The following MTMR12 variants were observed in gnomAD, a reference collection of about 807,000 sequenced individuals.
MTMR12 encodes myotubularin related protein 12, also known as myotubularin-related protein 12.
A neutral mutation model predicts 96.7 loss-of-function variants in MTMR12; 33 were observed. The ratio of observed to expected loss-of-function variants is 0.34; its 90% CI spans 0.26 to 0.46. MTMR12 has a LOEUF of 0.46. Ranked by LOEUF, MTMR12 falls within the 20% of genes least tolerant of loss-of-function variation. The pLI, the probability that MTMR12 is intolerant of heterozygous loss-of-function variation, is 1.00. For synonymous variants in MTMR12, 298 were observed against 327.2 expected (o/e 0.91, Z 0.96); for missense variants, 721 against 896.1 (o/e 0.80, Z 2.49).
chr5:32,231,916 AC>A (rs1421702770), intron 15 of MTMR12, among the ~76,000 whole-genome samples: 1 of 152,220 alleles, frequency 6.6e-6, no homozygotes, highest in African/African-American at 2.4e-5. Flanking sequence ...GCCCCACTTT[AC>A]AAGCAAGGAA....
At chr5:32,310,877 CT>C (rs58830358) in intron 1 of MTMR12, among the ~76,000 whole-genome samples, 2,395 of 144,762 alleles carry the variant, frequency 0.017, 33 homozygotes, top group Non-Finnish European at 0.025. Flanking sequence ...AGATTTCTTT[CT>C]TTTTTTTTTT....
At chr5:32,271,602 G>A (rs1749834458) in intron 4 of MTMR12, among the ~76,000 whole-genome samples, 1 of 152,286 alleles carries the variant, frequency 6.6e-6, no homozygotes, top group South Asian at 2.1e-4. Flanking sequence ...TAATGGTGTC[G>A]TGTGAAGTAT....
intron 13 of MTMR12, among the ~76,000 whole-genome samples, chr5:32,235,438 C>A (rs73752846): frequency 1.2e-4 from 18 of 152,208 alleles, no homozygotes; most frequent in African/African-American, 4.3e-4. Flanking sequence ...AACTTAGAAC[C>A]CCAATTAAGC....
intron 2 of MTMR12, among the ~76,000 whole-genome samples, chr5:32,275,407 T>C (rs1750011216): frequency 6.6e-6 from 1 of 152,106 alleles, no homozygotes; most frequent in Admixed American, 6.6e-5. Flanking sequence ...CCCAATACTT[T>C]TAATGGTGAA....
In MTMR12 at chr5:32,270,845, C is replaced by A. The variant is rs779870459; in HGVS notation, c.461G>T (p.Arg154Met). ...TTTGACTTCCTCTTCCTTTGTGTAC[C>A]TCAGACAAAACTGGAACACTCGAAG... ...KDLRVFQFCL[R>M]YTKEEEVKRI... The change falls in exon 5 of 16, where the codon AGG becomes ATG. Residue 154 changes from arginine to methionine, a missense_variant. Physicochemically the swap from Arg to Met is moderately conservative, Grantham distance 91. Transcript: ENST00000382142. The A allele has an allele frequency of 1.2e-6, 2 of 1,613,092 alleles. No individual in the cohort carries two copies. Among genetic ancestry groups the A allele is most frequent in the Non-Finnish European group, 1.7e-6 (2 of 1,179,666 alleles).
chr5:32,266,014 GCT>G (rs1749577505), intron 6 of MTMR12, among the ~76,000 whole-genome samples: 1 of 152,114 alleles, frequency 6.6e-6, no homozygotes, highest in Non-Finnish European at 1.5e-5. Flanking sequence ...AATGCAGCAT[GCT>G]CTCTGAGATA....
At chr5:32,269,262 A>C (rs923645008) in intron 5 of MTMR12, among the ~76,000 whole-genome samples, 3 of 150,140 alleles carry the variant, frequency 2.0e-5, no homozygotes, top group Non-Finnish European at 4.4e-5. Context: ...CCTGACCTCA[A>C]CTGATCTACC....
intron 1 of MTMR12, among the ~76,000 whole-genome samples, chr5:32,278,632 G>A (rs1396728558): frequency 6.6e-6 from 1 of 152,082 alleles, no homozygotes; most frequent in Non-Finnish European, 1.5e-5. Flanking sequence ...AACACTCTCT[G>A]GCACCCATAA....
At chr5:32,238,610 A>G (rs895537502) in intron 13 of MTMR12, among the ~76,000 whole-genome samples, 1 of 152,224 alleles carries the variant, frequency 6.6e-6, no homozygotes, top group East Asian at 1.9e-4. Flanking sequence ...TGCTCAACCT[A>G]TATTTTCTGT....
rs1015722263 is a variant in MTMR12, at chr5:32,312,619, C to T, written c.81+139G>A. ...AGGCCCCAGCGCGCTCCTGCGGCCT[C>T]AGCCCGCCTGGCTGCCCCGTCGCCC... On this transcript the variant is annotated intron_variant, in intron 1 of 15. Transcript: ENST00000382142. This position sits in a 1 kb window ranked among gnomAD's most constrained non-coding sequence, Gnocchi z 5.0. 4.8e-5 allele frequency: 38 copies of T among 789,104 alleles called. No homozygotes were observed. Among genetic ancestry groups the T allele is most frequent in the Middle Eastern group, 4.6e-4 (1 of 2,154 alleles). 48.9% of individuals were successfully genotyped at this position (789,104 alleles called of 1,614,324 possible). A position where few individuals can be genotyped will look rare whatever the true frequency, so the allele number is the denominator to read the frequency against.
chr5:32,299,842 C>G (rs1252270825), intron 1 of MTMR12, among the ~76,000 whole-genome samples: 1 of 152,218 alleles, frequency 6.6e-6, no homozygotes, highest in African/African-American at 2.4e-5. Context: ...CCAGTCCTAA[C>G]ACAGCTATGA....
chr5:32,243,473 G>A, intron 11 of MTMR12, 48 bp downstream of exon 11: 5 of 1,341,942 alleles, frequency 3.7e-6, no homozygotes, highest in Non-Finnish European at 5.3e-6. Flanking sequence ...CTACTACCCT[G>A]AGTTATACAA....
chr5:32,239,915 A>C (rs1207425612), intron 12 of MTMR12, among the ~76,000 whole-genome samples: 1 of 152,208 alleles, frequency 6.6e-6, no homozygotes, highest in Non-Finnish European at 1.5e-5. Context: ...TACTTGTTTA[A>C]CATTCATGAC....
chr5:32,231,440 T>C (rs1420386548), intron 15 of MTMR12, among the ~76,000 whole-genome samples: 1 of 147,684 alleles, frequency 6.8e-6, no homozygotes. Context: ...GTCATGAGGG[T>C]TCCCCAGTGC....
chr5:32,263,289 C>G, intron 6 of MTMR12, 47 bp from the exon 7 acceptor site: 2 of 1,607,090 alleles, frequency 1.2e-6, no homozygotes, highest in South Asian at 2.2e-5. Flanking sequence ...CCATGAAGCA[C>G]TGGTGCTTTT....
At chr5:32,247,607 T>C (rs915499275) in intron 10 of MTMR12, 3 of 452,144 alleles carry the variant, frequency 6.6e-6, no homozygotes, top group African/African-American at 6.4e-5. Context: ...ATTAAAGTAT[T>C]TCCACTTTGG....
chr5:32,271,783 A>G, intron 4 of MTMR12, 50 bp downstream of exon 4: 1 of 1,070,794 alleles, frequency 9.3e-7, no homozygotes, highest in South Asian at 1.9e-5. Flanking sequence ...TATCATTATC[A>G]CCTATACTCT....
chr5:32,256,943 TACTTTTAAAAAAAGA>T (rs1370367174), intron 7 of MTMR12, among the ~76,000 whole-genome samples: 1 of 152,240 alleles, frequency 6.6e-6, no homozygotes, highest in Non-Finnish European at 1.5e-5. Context: ...TAATCTTGAT[TACTTTTAAAAAAAGA>T]TTAAAAAGAT....
At chr5:32,270,734 C>T (rs1280295862) in intron 5 of MTMR12, 83 bp downstream of exon 5, 1 of 1,460,758 alleles carries the variant, frequency 6.8e-7, no homozygotes, top group Non-Finnish European at 9.2e-7. Flanking sequence ...TCCCCTCAAC[C>T]TTCATGCAAC....
Sources: gnomAD v4.1 joint callset for allele counts (sites outside exome capture counted in the v4.1 genomes callset) on GRCh38, gnomAD v4.1.1 for gene constraint, Gnocchi (gnomAD v3.1) non-coding constraint, MANE v1.5 for transcripts, NCBI Gene and HGNC (gene_info 2026-07-23, HGNC 2026-07-21) for gene names.